UNC79: variants seen among roughly 807,000 people sequenced by gnomAD.
UNC79 encodes the protein protein unc-79 homolog.
UNC79 carries 37 observed loss-of-function variants against 283.1 expected under a neutral mutation model. The ratio of observed to expected loss-of-function variants is 0.13; its 90% CI spans 0.10 to 0.17. UNC79 has a LOEUF of 0.17. Among genes scored for constraint, UNC79 ranks in the 10% least tolerant of loss-of-function variants. The probability of loss-of-function intolerance (pLI) is 1.00; values close to 1 mark genes in which losing one functional copy is unlikely to be tolerated. For missense variants in UNC79, 2,272 were observed against 3,211.1 expected (o/e 0.71, Z 7.07); for synonymous variants, 1,107 against 1,200.2 (o/e 0.92, Z 1.61).
intron 7 of UNC79, among the ~76,000 whole-genome samples, chr14:93,498,317 G>A (rs2059117673): frequency 6.6e-6 from 1 of 151,698 alleles, no homozygotes; most frequent in Non-Finnish European, 1.5e-5. Flanking sequence ...GGTCAGGCGT[G>A]GTGGCTCACA....
chr14:93,667,972 T>C (rs1336675906), intron 40 of UNC79, among the ~76,000 whole-genome samples: 2 of 152,206 alleles, frequency 1.3e-5, no homozygotes, highest in African/African-American at 2.4e-5. Context: ...TATCATAAGC[T>C]CTTATCAAAC....
chr14:93,537,542 A>G (rs1210814575), intron 11 of UNC79, among the ~76,000 whole-genome samples: 1 of 152,190 alleles, frequency 6.6e-6, no homozygotes, highest in Non-Finnish European at 1.5e-5. Context: ...TGGATAAAAT[A>G]ATTTTGAAAG....
At chr14:93,596,798 T>C (rs1320762411) in intron 23 of UNC79, among the ~76,000 whole-genome samples, 1 of 152,252 alleles carries the variant, frequency 6.6e-6, no homozygotes, top group Non-Finnish European at 1.5e-5. Context: ...TTGTTTAACA[T>C]TGATTTGCAG....
At chr14:93,450,471 C>CT in intron 1 of UNC79, among the ~76,000 whole-genome samples, 1 of 152,264 alleles carries the variant, frequency 6.6e-6, no homozygotes, top group African/African-American at 2.4e-5. Flanking sequence ...TGATACACAA[C>CT]TGGGTGTTCT....
intron 5 of UNC79, among the ~76,000 whole-genome samples, chr14:93,490,810 T>C (rs1372387529): frequency 6.6e-6 from 1 of 152,184 alleles, no homozygotes. Flanking sequence ...AATATAGGCT[T>C]TTTTCTAGCC....
intron 14 of UNC79, among the ~76,000 whole-genome samples, chr14:93,555,159 T>C (rs959847962): frequency 6.6e-6 from 1 of 152,238 alleles, no homozygotes; most frequent in East Asian, 1.9e-4. Context: ...TCATTAATAG[T>C]CTTTAAAACT....
At chr14:93,672,531 A>G (rs140019870) in intron 40 of UNC79, among the ~76,000 whole-genome samples, 1 of 152,204 alleles carries the variant, frequency 6.6e-6, no homozygotes, top group Non-Finnish European at 1.5e-5. Flanking sequence ...TGTGGGGAGG[A>G]TGAAGAGAGT....
At chr14:93,532,425 G>C (rs909476870) in intron 10 of UNC79, 125 bp from the exon 11 acceptor site, 2 of 1,114,000 alleles carry the variant, frequency 1.8e-6, no homozygotes, top group Non-Finnish European at 2.5e-6. Flanking sequence ...GGCTATGATG[G>C]TGCCATTGCA....
intron 47 of UNC79, among the ~76,000 whole-genome samples, chr14:93,702,144 GT>G (rs1268307823): frequency 1.6e-4 from 24 of 152,228 alleles, no homozygotes; most frequent in African/African-American, 5.5e-4. Flanking sequence ...GGGGGAGACA[GT>G]TAGACTAGAT....
intron 14 of UNC79, among the ~76,000 whole-genome samples, chr14:93,552,215 G>A (rs1334613547): frequency 1.3e-5 from 2 of 152,190 alleles, no homozygotes; most frequent in South Asian, 2.1e-4. Context: ...GAGTCTCCTG[G>A]TGTGTGAAAT....
intron 1 of UNC79, among the ~76,000 whole-genome samples, chr14:93,337,418 CT>C (rs2053602500): frequency 6.6e-6 from 1 of 152,266 alleles, no homozygotes. Flanking sequence ...AGCTGTAACA[CT>C]TTCCTGACTG....
intron 47 of UNC79, 114 bp downstream of exon 50, chr14:93,694,526 G>A: frequency 1.0e-6 from 1 of 969,806 alleles, no homozygotes; most frequent in Non-Finnish European, 1.6e-6. Flanking sequence ...AGTTGGGGCT[G>A]GAGAATTCAG....
Position 93,571,742 on chromosome 14 carries a change from C to G in UNC79, c.1756-152C>G, listed in dbSNP as rs950729037. 11 of 677,038 alleles carry G rather than the reference C, an allele frequency of 1.6e-5. No individual in the cohort carries two copies. The East Asian group carries it at 2.8e-4, about 17-fold the overall frequency. The allele number at this position is 677,038 out of a possible 1,614,324, so 41.9% of individuals were successfully genotyped here. ...TGGATCCTGGTGGTTTGCCGTCTTA[C>G]GAATCAATCTCACACTGAAGATTCT... is the stretch of plus-strand genomic sequence containing the variant. On this transcript the variant is annotated intron_variant, in intron 14 of 48. Coordinates refer to ENST00000555664, the Ensembl canonical transcript of UNC79.
chr14:93,603,249 T>C, exon 26 of UNC79: 1 of 1,614,182 alleles, frequency 6.2e-7, no homozygotes, highest in Non-Finnish European at 8.5e-7. Context: ...CCATCACTGC[T>C]GTGAGGACCA....
intron 14 of UNC79, among the ~76,000 whole-genome samples, chr14:93,562,213 G>A (rs953628920): frequency 3.9e-5 from 6 of 152,166 alleles, no homozygotes; most frequent in African/African-American, 1.4e-4. Context: ...AGATGACTAA[G>A]TAGGGTCTGG....
intron 7 of UNC79, among the ~76,000 whole-genome samples, chr14:93,520,237 T>C (rs2060259503): frequency 6.6e-6 from 1 of 152,006 alleles, no homozygotes; most frequent in East Asian, 1.9e-4. Flanking sequence ...CATTGTCTTC[T>C]GGCTTGCATT....
At chr14:93,608,005 G>A (rs2066007837) in intron 26 of UNC79, among the ~76,000 whole-genome samples, 1 of 152,156 alleles carries the variant, frequency 6.6e-6, no homozygotes, top group Admixed American at 6.5e-5. Flanking sequence ...TTTTGGAAGT[G>A]ACAATTTTTG....
Position 93,597,561 on chromosome 14 carries a change from T to C in UNC79, c.3372+21T>C, listed in dbSNP as rs768254308. On this transcript the variant is annotated intron_variant, in intron 24 of 48. Transcript: ENST00000555664. Reference sequence around the variant, plus strand: ...TGCAGGTGACATGTGATTTGTGTTATCTGCTCCGAAGGTGGTTTGTGTCAG... The same window carrying C: ...TGCAGGTGACATGTGATTTGTGTTACCTGCTCCGAAGGTGGTTTGTGTCAG... 6 of 1,604,286 alleles carry C rather than the reference T, an allele frequency of 3.7e-6. No individual in the cohort carries two copies. In the South Asian group the frequency reaches 6.7e-5, roughly 18 times the overall value.
intron 1 of UNC79, among the ~76,000 whole-genome samples, chr14:93,380,502 T>C (rs1459611137): frequency 6.6e-6 from 1 of 152,210 alleles, no homozygotes; most frequent in Non-Finnish European, 1.5e-5. Context: ...TTGACCACTC[T>C]AAGGTGGTCT....
Sources: allele counts gnomAD v4.1 joint callset (sites outside exome capture counted in the v4.1 genomes callset), GRCh38; gene constraint gnomAD v4.1.1; transcripts MANE v1.5; gene names NCBI Gene and HGNC (gene_info 2026-07-23, HGNC 2026-07-21).